The following RGR variants were observed in gnomAD, a reference collection of about 807,000 sequenced individuals.
RGR encodes the protein RPE-retinal G protein-coupled receptor.
Under a neutral mutation model 28.6 loss-of-function variants are expected in RGR, and 30 were observed. That is an observed-to-expected ratio of 1.05 (90% CI 0.78 to 1.42). The LOEUF (loss-of-function observed/expected upper bound fraction) is 1.42, where lower values mean the gene tolerates loss of function less well. Ranked by LOEUF, RGR falls within the 40% of genes most tolerant of loss-of-function variation. The pLI is 0.00. For synonymous variants in RGR, 180 were observed against 156.4 expected, an observed-to-expected ratio of 1.15 and a Z score of -1.13; for missense variants, 404 against 375.6, an observed-to-expected ratio of 1.08 and a Z score of -0.62.
intron 1 of RGR, among the ~76,000 whole-genome samples, chr10:84,245,699 C>A (rs575050513): frequency 1.3e-5 from 2 of 152,152 alleles, no homozygotes; most frequent in Non-Finnish European, 2.9e-5. Context: ...TAAATAGACT[C>A]TAGGGTATTT....
chr10:84,251,956 C>T (rs1009873127), intron 3 of RGR, among the ~76,000 whole-genome samples: 10 of 152,310 alleles, frequency 6.6e-5, no homozygotes, highest in Non-Finnish European at 1.2e-4. Context: ...TCTTCTCTCC[C>T]GATCAAAACC....
intron 3 of RGR, among the ~76,000 whole-genome samples, chr10:84,252,038 G>T (rs959605126): frequency 1.3e-5 from 2 of 152,192 alleles, no homozygotes; most frequent in Non-Finnish European, 2.9e-5. Flanking sequence ...GTAGACAGAG[G>T]AGGGCACCTG....
chr10:84,247,566 T>C (rs1842761793), intron 1 of RGR, 25 bp from the exon 2 acceptor site: 1 of 1,613,946 alleles, frequency 6.2e-7, no homozygotes, highest in Non-Finnish European at 8.5e-7. Context: ...GCAGCCCCAA[T>C]GCCAGCCCCC....
intron 6 of RGR, among the ~76,000 whole-genome samples, chr10:84,258,270 C>T (rs916785056): frequency 1.3e-5 from 2 of 152,002 alleles, no homozygotes; most frequent in Non-Finnish European, 2.9e-5. Context: ...TAGATAAAGA[C>T]TCTGTGACCA....
rs1455133987 is a variant in RGR at position 84,254,552 on chromosome 10, T to C, written c.630+109T>C. On this transcript the variant is annotated intron_variant, in intron 5 of 6. Coordinates refer to ENST00000652092, the MANE Select transcript of RGR (RefSeq NM_001012720.2). ...CACACACAAACAGCAAAACAAATAT[T>C]CATTGCTTTTGCAGCAAAAGCTTAT... The C allele has an allele frequency of 4.2e-6, 4 of 951,054 alleles. No homozygotes were observed. The African/African-American group carries it at 6.4e-5, about 15-fold the overall frequency. The allele number at this position is 951,054 out of a possible 1,614,324, so 58.9% of individuals were successfully genotyped here.
Position 84,258,800 on chromosome 10 carries a change from A to G in RGR, c.*161A>G, listed in dbSNP as rs1842920818. On this transcript the variant is annotated 3_prime_UTR_variant, in exon 7 of 7. Transcript: ENST00000652092. ...GATTCAGAAAGACACCAGGCTGCAC[A>G]GAAAGAGCCAGATGGACCTGAGTGT... is the stretch of plus-strand genomic sequence containing the variant. 5 of 1,028,262 alleles carry G rather than the reference A, an allele frequency of 4.9e-6. No individual in the cohort carries two copies. In the Admixed American group the frequency reaches 6.1e-5, roughly 12 times the overall value. 63.7% of individuals were successfully genotyped at this position (1,028,262 alleles called of 1,614,324 possible). A position where few individuals can be genotyped will look rare whatever the true frequency, so the allele number is the denominator to read the frequency against.
At chr10:84,257,594 C>A (rs992572190) in intron 5 of RGR, among the ~76,000 whole-genome samples, 3 of 152,164 alleles carry the variant, frequency 2.0e-5, no homozygotes, top group Non-Finnish European at 4.4e-5. Context: ...GAGTACAGAC[C>A]CAGGAGGAAG....
rs1842764649 is a variant in RGR at position 84,247,704 on chromosome 10, A to G, written c.193A>G (p.Ile65Val). Residue 65 changes from isoleucine (I) to valine (V), a missense_variant, in exon 2 of 7, where the codon ATC (isoleucine) becomes GTC (valine). Transcript: ENST00000652092. Reference protein sequence around the residue: ...VLSLALADSGISLNALVAATS... With the variant: ...VLSLALADSGVSLNALVAATS... ...GAGCTTGGCTCTTGCGGACAGTGGG[A>G]TCAGCCTGAATGCCCTCGTTGCAGC... 3.1e-6 allele frequency: 5 copies of G among 1,614,018 alleles called. No homozygotes were observed. The African/African-American group carries it at 6.7e-5, about 22-fold the overall frequency.
rs1842928762 is a variant in RGR, at chr10:84,259,560, T to C, written c.*921T>C. ...CATCCTTACCAATATCTGTAATTTT[T>C]TGACTTTTTAATAATAGCCATTCTC... On this transcript the variant is annotated 3_prime_UTR_variant, in exon 7 of 7. Transcript: ENST00000652092. 6.6e-6 allele frequency: 1 copy of C among 152,202 alleles called. No individual in the cohort carries two copies. Among genetic ancestry groups the C allele is most frequent in the African/African-American group, 2.4e-5 (1 of 41,460 alleles). The allele number at this position is 152,202 out of a possible 1,614,324, so 9.4% of individuals were successfully genotyped here. A position where few individuals can be genotyped will look rare whatever the true frequency, so the allele number is the denominator to read the frequency against.
chr10:84,249,606 C>T (rs565312037), intron 3 of RGR, among the ~76,000 whole-genome samples: 91 of 152,312 alleles, frequency 6.0e-4, no homozygotes, highest in African/African-American at 1.9e-3. Flanking sequence ...CCACCGTACC[C>T]GGCTGAGATG....
intron 3 of RGR, among the ~76,000 whole-genome samples, chr10:84,252,504 C>T (rs78173093): frequency 1.1e-3 from 173 of 152,336 alleles, no homozygotes; most frequent in Non-Finnish European, 2.2e-3. Context: ...TCATAACAAT[C>T]CTCTGAGGCA....
chr10:84,250,381 C>A (rs1842800141), intron 3 of RGR: 1 of 717,438 alleles, frequency 1.4e-6, no homozygotes, highest in Non-Finnish European at 2.6e-6. Flanking sequence ...ATGCCTCTCT[C>A]CAGGCCAAAA....
intron 3 of RGR, among the ~76,000 whole-genome samples, chr10:84,252,224 G>A (rs1278255930): frequency 6.6e-6 from 1 of 152,186 alleles, no homozygotes; most frequent in Non-Finnish European, 1.5e-5. Context: ...CTGAGATTGA[G>A]CCCCAACCCC....
chr10:84,255,242 C>G (rs1842868446), intron 5 of RGR: 1 of 154,056 alleles, frequency 6.5e-6, no homozygotes, highest in Non-Finnish European at 1.4e-5. Context: ...GATGTTAGAA[C>G]TGGAAACCAC....
intron 5 of RGR, among the ~76,000 whole-genome samples, chr10:84,256,870 C>T (rs112612125): frequency 3.3e-5 from 5 of 152,142 alleles, no homozygotes; most frequent in Admixed American, 3.3e-4. Flanking sequence ...GGTCCAGGGA[C>T]CTCATCCCAA....
chr10:84,245,318 T>C lies in RGR; in HGVS notation c.79+149T>C. On this transcript the variant is annotated intron_variant, in intron 1 of 6. Coordinates refer to ENST00000652092, the MANE Select transcript of RGR (RefSeq NM_001012720.2). ...GCTGCCTTCCCCTCTGTGCCCGGAC[T>C]CGGGGGGTGTTCTGACAATTGAACC... The C allele has an allele frequency of 4.3e-6, 3 of 696,950 alleles. No homozygotes were observed. In the South Asian group the frequency reaches 5.6e-5, roughly 13 times the overall value. 43.2% of individuals were successfully genotyped at this position (696,950 alleles called of 1,614,324 possible).
intron 3 of RGR, chr10:84,250,476 C>T: frequency 1.4e-6 from 1 of 716,320 alleles, no homozygotes; most frequent in Non-Finnish European, 2.6e-6. Flanking sequence ...CCACTCCTTA[C>T]ATCCCAGCCC....
chr10:84,248,813 C>G, intron 2 of RGR, 109 bp from the exon 3 acceptor site: 7 of 1,586,750 alleles, frequency 4.4e-6, no homozygotes, highest in Non-Finnish European at 6.1e-6. Flanking sequence ...AGGCCCTCTT[C>G]AGAGAAGAAG....
At chr10:84,248,064 G>A (rs1039098163) in intron 2 of RGR, 31 of 554,432 alleles carry the variant, frequency 5.6e-5, no homozygotes, top group Admixed American at 2.7e-4. Flanking sequence ...TCCATAAATC[G>A]GATATTATTT....
Sources: gnomAD v4.1 joint callset for allele counts (sites outside exome capture counted in the v4.1 genomes callset) on GRCh38, gnomAD v4.1.1 for gene constraint, MANE v1.5 for transcripts, NCBI Gene and HGNC (gene_info 2026-07-23, HGNC 2026-07-21) for gene names.